RAB28: variants seen among roughly 807,000 people sequenced by gnomAD.
RAB28 encodes ras-related protein Rab-28.
RAB28 carries 24 observed loss-of-function variants against 31.7 expected under a neutral mutation model. The ratio of observed to expected loss-of-function variants is 0.76; its 90% CI spans 0.55 to 1.06. RAB28 has a LOEUF of 1.06. RAB28 is among the 50% of genes least tolerant of loss of function. The pLI is 0.00. For missense variants in RAB28, 254 were observed against 258.5 expected (o/e 0.98, Z 0.12); for synonymous variants, 100 against 90.4 (o/e 1.11, Z -0.60).
At chr4:13,464,068 T>C (rs1715726014) in intron 3 of RAB28, among the ~76,000 whole-genome samples, 1 of 152,108 alleles carries the variant, frequency 6.6e-6, no homozygotes, top group Non-Finnish European at 1.5e-5. Flanking sequence ...TCTGCCTACC[T>C]GGAGTAGCAG....
chr4:13,440,740 G>C (rs985843233), intron 4 of RAB28, among the ~76,000 whole-genome samples: 2 of 152,042 alleles, frequency 1.3e-5, no homozygotes, highest in Admixed American at 6.6e-5. Context: ...CTCAGAATGT[G>C]AGTCCATTTG....
chr4:13,437,497 GAA>G, intron 4 of RAB28, among the ~76,000 whole-genome samples: 1 of 151,742 alleles, frequency 6.6e-6, no homozygotes, highest in East Asian at 1.9e-4. Flanking sequence ...AATCTGTAAG[GAA>G]TTTAAGTCAA....
intron 4 of RAB28, among the ~76,000 whole-genome samples, chr4:13,433,713 C>T (rs1027840319): frequency 8.6e-5 from 13 of 151,922 alleles, no homozygotes; most frequent in Non-Finnish European, 1.3e-4. Flanking sequence ...TTGGTGGGAA[C>T]GGAAATTAAT....
chr4:13,373,959 A>ATGTATGTATGTGTGTG (rs574362033), intron 6 of RAB28, among the ~76,000 whole-genome samples: 7 of 151,192 alleles, frequency 4.6e-5, no homozygotes, highest in African/African-American at 1.7e-4. Context: ...GTATGTATGT[A>ATGTATGTATGTGTGTG]TGTGTGTGTG....
intron 4 of RAB28, among the ~76,000 whole-genome samples, chr4:13,455,606 T>C (rs1392410765): frequency 6.6e-6 from 1 of 152,186 alleles, no homozygotes. Flanking sequence ...CTGCAGCAGC[T>C]TGACTCACAA....
intron 4 of RAB28, among the ~76,000 whole-genome samples, chr4:13,405,209 T>A (rs1381765814): frequency 2.0e-5 from 3 of 152,184 alleles, no homozygotes; most frequent in African/African-American, 4.8e-5. Context: ...TAGCAGTCCT[T>A]CTTTCTTTTA....
chr4:13,447,731 A>G (rs1308212326), intron 4 of RAB28, among the ~76,000 whole-genome samples: 1 of 152,150 alleles, frequency 6.6e-6, no homozygotes, highest in East Asian at 1.9e-4. Flanking sequence ...TAATAGCTAT[A>G]TTTATTATGA....
At position 13,367,792 on chromosome 4, in the gene RAB28, A is replaced by G. The variant is rs1200028807; in HGVS notation, c.*766T>C. The stretch of plus-strand genomic sequence containing the variant: ...CAGGTACAGTCTGATCCACAATGTC[A>G]TAACTCATTCTCGGGAGTACTCTTA... On this transcript the variant is annotated 3_prime_UTR_variant, in exon 7 of 7. Coordinates refer to ENST00000330852, the MANE Select transcript of RAB28 (RefSeq NM_001017979.3). The G allele has an allele frequency of 1.0e-6, 1 of 984,804 alleles. No individual in the cohort carries two copies. The highest frequency in any genetic ancestry group is 1.7e-5 in the African/African-American group (1 of 57,238). The allele number at this position is 984,804 out of a possible 1,614,324, so 61.0% of individuals were successfully genotyped here. A position where few individuals can be genotyped will look rare whatever the true frequency, so the allele number is the denominator to read the frequency against.
At chr4:13,416,928 C>T (rs1032062002) in intron 4 of RAB28, among the ~76,000 whole-genome samples, 5 of 152,120 alleles carry the variant, frequency 3.3e-5, no homozygotes, top group African/African-American at 7.2e-5. Context: ...CGAAGCAGGG[C>T]GGGGCATCAC....
chr4:13,442,970 T>C (rs970532634), intron 4 of RAB28, among the ~76,000 whole-genome samples: 4 of 152,206 alleles, frequency 2.6e-5, no homozygotes, highest in Non-Finnish European at 4.4e-5. Flanking sequence ...CTGTTAGAGA[T>C]ATCAAAGTGG....
At chr4:13,374,853 T>G (rs1413354146) in intron 6 of RAB28, among the ~76,000 whole-genome samples, 3 of 152,174 alleles carry the variant, frequency 2.0e-5, no homozygotes, top group African/African-American at 7.2e-5. Flanking sequence ...TTTATTGCCC[T>G]ACCTCAAAAT....
intron 4 of RAB28, among the ~76,000 whole-genome samples, chr4:13,401,380 G>A (rs1711742115): frequency 6.6e-6 from 1 of 152,130 alleles, no homozygotes; most frequent in African/African-American, 2.4e-5. Context: ...CCTGTTGCGG[G>A]GAGGGAGCTA....
intron 3 of RAB28, among the ~76,000 whole-genome samples, chr4:13,463,118 T>A (rs753181573): frequency 6.6e-6 from 1 of 152,222 alleles, no homozygotes; most frequent in Non-Finnish European, 1.5e-5. Flanking sequence ...TTTCTTGTTA[T>A]CATACTAAGT....
chr4:13,402,204 T>C (rs1314356213), intron 4 of RAB28, among the ~76,000 whole-genome samples: 1 of 152,234 alleles, frequency 6.6e-6, no homozygotes. Flanking sequence ...AAAGCATATA[T>C]TCTTCTGTTG....
At chr4:13,459,963 T>A (rs1261272307) in intron 4 of RAB28, 1 of 1,224,202 alleles carries the variant, frequency 8.2e-7, no homozygotes, top group Non-Finnish European at 1.1e-6. Context: ...AGAACTAAAC[T>A]TACCTTCACA....
chr4:13,438,320 C>T (rs11737252), intron 4 of RAB28, among the ~76,000 whole-genome samples: 9,226 of 152,144 alleles, frequency 0.061, 653 homozygotes, highest in African/African-American at 0.17. Flanking sequence ...TTAAAGCGTA[C>T]AGTTTTTAGC....
At chr4:13,398,335 G>C (rs1464885424) in intron 4 of RAB28, among the ~76,000 whole-genome samples, 1 of 152,018 alleles carries the variant, frequency 6.6e-6, no homozygotes, top group Non-Finnish European at 1.5e-5. Context: ...TGCTATAGAG[G>C]TTCATTTGCA....
At position 13,429,472 on chromosome 4, in the gene RAB28, T is replaced by C. The variant is rs73100413; in HGVS notation, c.391+31227A>G. Reference sequence around the variant, plus strand: ...TTCCACATACAAATATCAGTTTTACTTCTATACACTATCAATGAACAATTC... The same window carrying C: ...TTCCACATACAAATATCAGTTTTACCTCTATACACTATCAATGAACAATTC... On this transcript the variant is annotated intron_variant, in intron 4 of 6. Transcript: ENST00000330852. Among the ~76,000 whole-genome samples, 126 of 152,354 alleles carry C rather than the reference T, an allele frequency of 8.3e-4. 1 individual carries two copies. The highest frequency in any genetic ancestry group is 2.9e-3 in the African/African-American group (122 of 41,586).
At chr4:13,391,509 G>C (rs1341287704) in intron 4 of RAB28, among the ~76,000 whole-genome samples, 1 of 152,154 alleles carries the variant, frequency 6.6e-6, no homozygotes, top group South Asian at 2.1e-4. Flanking sequence ...ATTCCTCAAG[G>C]ATCTAGAACT....
Sources: allele counts gnomAD v4.1 joint callset (sites outside exome capture counted in the v4.1 genomes callset), GRCh38; gene constraint gnomAD v4.1.1; transcripts MANE v1.5; gene names NCBI Gene and HGNC (gene_info 2026-07-23, HGNC 2026-07-21).